GNB5: variants seen among roughly 807,000 people sequenced by gnomAD.
GNB5 encodes guanine nucleotide-binding protein subunit beta-5.
GNB5 carries 37 observed loss-of-function variants against 55.3 expected under a neutral mutation model. The observed-to-expected ratio is 0.67, with a 90% CI of 0.51 to 0.88. GNB5 has a LOEUF of 0.88. Among genes scored for constraint, GNB5 ranks in the 40% least tolerant of loss-of-function variants. GNB5 has a pLI of 0.00. For synonymous variants in GNB5, 219 were observed against 198.5 expected (o/e 1.10, Z -0.87); for missense variants, 476 against 515.3 (o/e 0.92, Z 0.74).
At chr15:52,130,069 T>C (rs78118350) in intron 9 of GNB5, among the ~76,000 whole-genome samples, 2,161 of 152,268 alleles carry the variant, frequency 0.014, 61 homozygotes, top group African/African-American at 0.05. Context: ...AAAGAAGGCA[T>C]GGTGGTAGGC....
At chr15:52,150,459 G>C (rs531416792) in intron 4 of GNB5, among the ~76,000 whole-genome samples, 10 of 152,156 alleles carry the variant, frequency 6.6e-5, no homozygotes, top group African/African-American at 1.9e-4. Context: ...GGACAGCTGC[G>C]GAGGGGGCTG....
At chr15:52,173,367 G>C (rs1055681795) in intron 3 of GNB5, among the ~76,000 whole-genome samples, 1 of 152,152 alleles carries the variant, frequency 6.6e-6, no homozygotes, top group Admixed American at 6.6e-5. Flanking sequence ...GAGCCACCGT[G>C]CCCAGCACAT....
intron 12 of GNB5, among the ~76,000 whole-genome samples, chr15:52,123,063 C>G (rs2033315377): frequency 6.6e-6 from 1 of 152,298 alleles, no homozygotes; most frequent in African/African-American, 2.4e-5. Flanking sequence ...CCTAGCTACT[C>G]TTCCAGATTG....
chr15:52,122,838 G>T (rs909767661), intron 12 of GNB5, 70 bp from the exon 13 acceptor site: 36 of 1,153,130 alleles, frequency 3.1e-5, no homozygotes, highest in Non-Finnish European at 4.5e-5. Context: ...AGCTTAAAGA[G>T]ATAAAATTAG....
At chr15:52,134,515 C>A (rs1041574002) in intron 8 of GNB5, among the ~76,000 whole-genome samples, 1 of 152,130 alleles carries the variant, frequency 6.6e-6, no homozygotes, top group Non-Finnish European at 1.5e-5. Context: ...CTGAAAGAGA[C>A]AATATGATCT....
intron 7 of GNB5, chr15:52,140,022 C>T: frequency 8.9e-7 from 1 of 1,125,890 alleles, no homozygotes; most frequent in South Asian, 1.6e-5. Context: ...GGCCACAGCG[C>T]CCCCTGGTGA....
Position 52,135,641 on chromosome 15 carries a change from G to A in GNB5, c.743C>T (p.Ser248Leu). 3 of 1,613,770 alleles carry A rather than the reference G, an allele frequency of 1.9e-6. No individual in the cohort carries two copies. The highest frequency in any genetic ancestry group is 2.5e-6 in the Non-Finnish European group (3 of 1,179,852). The change falls in exon 8 of 13, where the codon TCA becomes TTA. Residue 248 changes from serine to leucine, a missense_variant. Physicochemically the swap from Ser to Leu is moderately radical, Grantham distance 145. Coordinates refer to ENST00000261837, the MANE Select transcript of GNB5 (RefSeq NM_016194.4). ...ADVLCLDLAPSETGNTFVSGG... is the reference protein window; with the variant it reads ...ADVLCLDLAPLETGNTFVSGG... ...AGACACGAAGGTGTTTCCAGTTTCT[G>A]AGGGGGCCAGGTCCAAGCAGAGGAC...
Position 52,116,166 on chromosome 15 carries a change from T to C in GNB5, c.*6591A>G, listed in dbSNP as rs1432598901. The C allele has an allele frequency of 6.6e-6, 1 of 152,232 alleles. No homozygotes were observed. Among genetic ancestry groups the C allele is most frequent in the African/African-American group, 2.4e-5 (1 of 41,452 alleles). The allele number at this position is 152,232 out of a possible 1,614,324, so 9.4% of individuals were successfully genotyped here. On this transcript the variant is annotated 3_prime_UTR_variant, in exon 13 of 13. Coordinates refer to ENST00000261837, the MANE Select transcript of GNB5 (RefSeq NM_016194.4). ...GTGTGGACATATGTTTTAATTTCCCTTGGGGAGGCTGCCAATTACCGTGGA... is the reference window on the plus strand; with the variant it reads ...GTGTGGACATATGTTTTAATTTCCCCTGGGGAGGCTGCCAATTACCGTGGA...
At chr15:52,166,943 T>A (rs973215179) in intron 3 of GNB5, among the ~76,000 whole-genome samples, 1 of 151,638 alleles carries the variant, frequency 6.6e-6, no homozygotes, top group Admixed American at 6.6e-5. Flanking sequence ...CTAGATAGAT[T>A]AATAAAAGAG....
intron 3 of GNB5, among the ~76,000 whole-genome samples, chr15:52,170,080 C>T (rs779650390): frequency 5.3e-5 from 8 of 151,986 alleles, no homozygotes; most frequent in African/African-American, 9.7e-5. Context: ...GGTGAGGTTG[C>T]GGAGAAAAAG....
chr15:52,137,714 G>A, intron 7 of GNB5: 2 of 1,187,472 alleles, frequency 1.7e-6, no homozygotes, highest in Non-Finnish European at 2.1e-6. Context: ...GGGATTGGGA[G>A]AAAGGCAGTG....
chr15:52,133,483 T>G lies in GNB5; in HGVS notation c.772-14A>C. The stretch of plus-strand genomic sequence containing the variant: ...CTTGTCACATCCCTACAAATGAAAA[T>G]TAGCCAGAGTTATGGCCACTTTAAG... On this transcript the variant is annotated splice_polypyrimidine_tract_variant and intron_variant, in intron 8 of 12. Transcript: ENST00000261837. 1 of 1,562,642 alleles carries G rather than the reference T, an allele frequency of 6.4e-7. No homozygotes were observed. Among genetic ancestry groups the G allele is most frequent in the South Asian group, 1.1e-5 (1 of 90,028 alleles).
chr15:52,136,023 G>A (rs1410403702), intron 7 of GNB5, among the ~76,000 whole-genome samples: 1 of 138,264 alleles, frequency 7.2e-6, no homozygotes, highest in Non-Finnish European at 1.5e-5. Flanking sequence ...TTATGCCGGG[G>A]GCAGTCAATC....
intron 9 of GNB5, among the ~76,000 whole-genome samples, chr15:52,132,165 AGT>A: frequency 9.9e-6 from 1 of 100,612 alleles, no homozygotes; most frequent in African/African-American, 7.5e-5. Flanking sequence ...CTAGGGCTCA[AGT>A]ATGCACAAAC....
intron 1 of GNB5, among the ~76,000 whole-genome samples, chr15:52,190,393 A>G (rs1413316090): frequency 6.6e-6 from 1 of 152,174 alleles, no homozygotes; most frequent in Non-Finnish European, 1.5e-5. Context: ...CTGGGATTAC[A>G]GGCATGAGCC....
At position 52,135,582 on chromosome 15, in the gene GNB5, G is replaced by A. The variant is rs759997507; in HGVS notation, c.771+31C>T. The A allele has an allele frequency of 8.7e-6, 14 of 1,603,026 alleles. No homozygotes were observed. The African/African-American group carries it at 1.6e-4, about 18-fold the overall frequency. On this transcript the variant is annotated intron_variant, in intron 8 of 12. Coordinates refer to ENST00000261837, the MANE Select transcript of GNB5 (RefSeq NM_016194.4). The stretch of plus-strand genomic sequence containing the variant: ...CCATAAGCCTCCTTAGTGGACACAG[G>A]AGCCCTAGGGAATTTCCACTGGGTC...
At chr15:52,125,879 G>C in intron 11 of GNB5, 69 bp downstream of exon 11, 3 of 706,374 alleles carry the variant, frequency 4.2e-6, no homozygotes, top group South Asian at 3.1e-5. Context: ...ACTGAGCGAT[G>C]ATGGAGCGCT....
chr15:52,174,108 C>T (rs2034603280), intron 3 of GNB5, among the ~76,000 whole-genome samples: 2 of 152,018 alleles, frequency 1.3e-5, no homozygotes, highest in African/African-American at 4.8e-5. Context: ...GAGAGGTGAC[C>T]ACAGAAGCAG....
chr15:52,124,409 A>G (rs2033364895), intron 12 of GNB5, 64 bp downstream of exon 12: 1 of 1,339,480 alleles, frequency 7.5e-7, no homozygotes, highest in Admixed American at 1.9e-5. Flanking sequence ...CCTCTGCTTC[A>G]GAAGGCCTGT....
Sources: allele counts gnomAD v4.1 joint callset (sites outside exome capture counted in the v4.1 genomes callset), GRCh38; gene constraint gnomAD v4.1.1; transcripts MANE v1.5; gene names NCBI Gene and HGNC (gene_info 2026-07-23, HGNC 2026-07-21).